The following SIK3 variants were observed in gnomAD, a reference collection of about 807,000 sequenced individuals.
SIK3 encodes serine/threonine-protein kinase SIK3.
A neutral mutation model predicts 144.2 loss-of-function variants in SIK3; 28 were observed. The ratio of observed to expected loss-of-function variants is 0.19; its 90% CI spans 0.14 to 0.27. The LOEUF (loss-of-function observed/expected upper bound fraction) is 0.27. Among genes scored for constraint, SIK3 ranks in the 10% least tolerant of loss-of-function variants. The probability of loss-of-function intolerance (pLI) is 1.00; values close to 1 mark genes in which losing one functional copy is unlikely to be tolerated. For synonymous variants in SIK3, 686 were observed against 676.3 expected (o/e 1.01, Z -0.22); for missense variants, 1,319 against 1,776.0 (o/e 0.74, Z 4.62).
chr11:117,012,217 T>G (rs1279348994), intron 1 of SIK3, among the ~76,000 whole-genome samples: 1 of 152,182 alleles, frequency 6.6e-6, no homozygotes, highest in Admixed American at 6.5e-5. Flanking sequence ...CAAGCAATTC[T>G]CTCATCTCAG....
intron 1 of SIK3, among the ~76,000 whole-genome samples, chr11:117,060,423 C>CCCA (rs1217512994): frequency 6.6e-6 from 1 of 151,856 alleles, no homozygotes; most frequent in Non-Finnish European, 1.5e-5. Context: ...ATGGTGAAAC[C>CCCA]CCATCTCTAC....
chr11:116,887,389 G>T (rs1944880791), intron 6 of SIK3, among the ~76,000 whole-genome samples: 1 of 152,028 alleles, frequency 6.6e-6, no homozygotes, highest in Admixed American at 6.6e-5. Flanking sequence ...AGCCGAGGCG[G>T]GCAGATCACT....
intron 1 of SIK3, among the ~76,000 whole-genome samples, chr11:117,050,651 CA>C (rs1470663829): frequency 6.6e-6 from 1 of 152,022 alleles, no homozygotes; most frequent in African/African-American, 2.4e-5. Flanking sequence ...CACACCACTG[CA>C]CTCCAGCCTG....
chr11:116,847,390 C>T, intron 23 of SIK3, 86 bp downstream of exon 23: 1 of 1,578,644 alleles, frequency 6.3e-7, no homozygotes, highest in Non-Finnish European at 8.7e-7. Flanking sequence ...ATGAGCTCTT[C>T]CTACGAAGAG....
intron 1 of SIK3, among the ~76,000 whole-genome samples, chr11:117,044,513 C>T (rs73594185): frequency 0.057 from 8,577 of 151,710 alleles, 524 homozygotes; most frequent in African/African-American, 0.15. Flanking sequence ...TACAAAAACA[C>T]AATAAAGCCT....
chr11:117,018,724 T>A lies in SIK3; in HGVS notation c.274-61660A>T, dbSNP rs540008498. Among the ~76,000 whole-genome samples the A allele has an allele frequency of 6.0e-4, 91 of 151,340 alleles. 1 individual carries two copies. Among genetic ancestry groups the A allele is most frequent in the African/African-American group, 1.3e-3 (54 of 41,038 alleles). On this transcript the variant is annotated intron_variant, in intron 1 of 24. Transcript: ENST00000445177. ...TGTTTTTATTTTATTTTATTTATTT[T>A]TTTTTTTTGAAACAGTTTCACTCCG...
chr11:117,098,404 C>T lies in SIK3; in HGVS notation c.12G>A (p.Ala4=). The T allele has an allele frequency of 8.6e-7, 1 of 1,167,894 alleles. No homozygotes were observed. The highest frequency in any genetic ancestry group is 1.1e-6 in the Non-Finnish European group (1 of 947,338). 72.3% of individuals were successfully genotyped at this position (1,167,894 alleles called of 1,614,324 possible). ...CAGCCCCGCCAGCTCCGCTCGCCGCCGCCGCCGCCATCTTGTTGTGCAGTG... is the reference window on the plus strand; with the variant it reads ...CAGCCCCGCCAGCTCCGCTCGCCGCTGCCGCCGCCATCTTGTTGTGCAGTG... The part of the protein sequence containing the change: MAA[A]AASGAGGAAG... Residue 4 remains alanine, a synonymous_variant, in exon 1 of 25, where the codon GCG becomes GCA. Transcript: ENST00000445177.
chr11:116,925,055 T>C (rs946482531), intron 4 of SIK3, among the ~76,000 whole-genome samples: 1 of 152,028 alleles, frequency 6.6e-6, no homozygotes, highest in Non-Finnish European at 1.5e-5. Context: ...CCAAGGTGGG[T>C]GGATCGCTGG....
chr11:117,020,392 C>A (rs967393084), intron 1 of SIK3, among the ~76,000 whole-genome samples: 1 of 151,914 alleles, frequency 6.6e-6, no homozygotes. Flanking sequence ...AAAAGACAGT[C>A]TTTTGCTATT....
chr11:116,950,049 C>G, intron 3 of SIK3: 1 of 461,914 alleles, frequency 2.2e-6, no homozygotes, highest in Non-Finnish European at 4.4e-6. Flanking sequence ...TCTCAGCTTG[C>G]CTCTCCTAGC....
intron 22 of SIK3, among the ~76,000 whole-genome samples, chr11:116,848,207 A>ATTT (rs1555062653): frequency 8.5e-5 from 4 of 46,984 alleles, no homozygotes; most frequent in Non-Finnish European, 1.7e-4. Context: ...AAATACAAAA[A>ATTT]AGGGTGGCGG....
chr11:116,948,679 C>T (rs1948789155), intron 3 of SIK3, among the ~76,000 whole-genome samples: 1 of 152,142 alleles, frequency 6.6e-6, no homozygotes, highest in Non-Finnish European at 1.5e-5. Context: ...GTCAATCTAG[C>T]TAAAGATCTG....
intron 4 of SIK3, among the ~76,000 whole-genome samples, chr11:116,902,532 G>C (rs1945792602): frequency 6.6e-6 from 1 of 152,160 alleles, no homozygotes; most frequent in Non-Finnish European, 1.5e-5. Flanking sequence ...ACTAGAGAGA[G>C]CCACATCTGC....
chr11:116,867,746 T>C lies in SIK3; in HGVS notation c.1952+200A>G, dbSNP rs1341064325. ...TCTGCAAGGTAATGGGAGAGAGGAA[T>C]CTCGCATTGCTCCAGGGCGCAGTAA... On this transcript the variant is annotated intron_variant, in intron 15 of 24. Coordinates refer to ENST00000445177, the MANE Select transcript of SIK3 (RefSeq NM_001366686.3). The surrounding 1 kb of genome is among the most constrained non-coding windows in gnomAD (Gnocchi z 4.1). The C allele has an allele frequency of 2.3e-6, 1 of 444,356 alleles. No homozygotes were observed. The highest frequency in any genetic ancestry group is 3.9e-6 in the Non-Finnish European group (1 of 253,610). The allele number at this position is 444,356 out of a possible 1,614,324, so 27.5% of individuals were successfully genotyped here.
chr11:116,943,242 A>C (rs748291645), intron 3 of SIK3, among the ~76,000 whole-genome samples: 43 of 152,178 alleles, frequency 2.8e-4, no homozygotes, highest in Non-Finnish European at 4.9e-4. Flanking sequence ...GAAGAAAAAA[A>C]GGTAATTAGC....
At chr11:117,085,611 C>A (rs1316254985) in intron 1 of SIK3, among the ~76,000 whole-genome samples, 15 of 152,212 alleles carry the variant, frequency 9.9e-5, no homozygotes. Context: ...AACTAGGCGA[C>A]AGGCACATAG....
In SIK3 at chr11:116,858,988, A is replaced by G. The variant is rs1943151937; in HGVS notation, c.2765+277T>C. On this transcript the variant is annotated intron_variant, in intron 20 of 24. Coordinates refer to ENST00000445177, the MANE Select transcript of SIK3 (RefSeq NM_001366686.3). This position sits in a 1 kb window ranked among gnomAD's most constrained non-coding sequence, Gnocchi z 5.4. Reference sequence around the variant, plus strand: ...ACTGGAATTTTTATACATTCCTCTAACAGGCCATTTTCTTCTTTGCAAGCA... The same window carrying G: ...ACTGGAATTTTTATACATTCCTCTAGCAGGCCATTTTCTTCTTTGCAAGCA... Among the ~76,000 whole-genome samples, 1 of 152,232 alleles carries G rather than the reference A, an allele frequency of 6.6e-6. No individual in the cohort carries two copies. The highest frequency in any genetic ancestry group is 2.4e-5 in the African/African-American group (1 of 41,468).
At position 116,844,937 on chromosome 11, in the gene SIK3, A is replaced by G. The variant is rs1383384387; in HGVS notation, c.*706T>C. On this transcript the variant is annotated 3_prime_UTR_variant, in exon 25 of 25. Coordinates refer to ENST00000445177, the MANE Select transcript of SIK3 (RefSeq NM_001366686.3). The stretch of plus-strand genomic sequence containing the variant: ...AAACCATCTATGCCAGGTCATTCTC[A>G]GCCTCCGTGCCAAACTCTTCATATG... 2.0e-5 allele frequency: 3 copies of G among 152,018 alleles called. No individual in the cohort carries two copies. Among genetic ancestry groups the G allele is most frequent in the Non-Finnish European group, 4.4e-5 (3 of 68,022 alleles). 9.4% of individuals were successfully genotyped at this position (152,018 alleles called of 1,614,324 possible). A position where few individuals can be genotyped will look rare whatever the true frequency, so the allele number is the denominator to read the frequency against.
chr11:116,924,243 C>T (rs1030617142), intron 4 of SIK3, among the ~76,000 whole-genome samples: 9 of 150,208 alleles, frequency 6.0e-5, no homozygotes, highest in African/African-American at 1.5e-4. Context: ...TTGCAGTGAG[C>T]GGAGATCATG....
Sources: gnomAD v4.1 joint callset for allele counts (sites outside exome capture counted in the v4.1 genomes callset) on GRCh38, gnomAD v4.1.1 for gene constraint, Gnocchi (gnomAD v3.1) non-coding constraint, MANE v1.5 for transcripts, NCBI Gene and HGNC (gene_info 2026-07-23, HGNC 2026-07-21) for gene names.